The following GCN1 variants were observed in gnomAD, a reference collection of about 807,000 sequenced individuals.
The protein encoded by GCN1 is stalled ribosome sensor GCN1.
In GCN1, 90 loss-of-function variants were observed where a neutral mutation model predicts 288.4. That is an observed-to-expected ratio of 0.31 (90% confidence interval 0.26 to 0.37). The LOEUF is 0.37. Ranked by LOEUF, GCN1 falls within the 10% of genes least tolerant of loss-of-function variation. GCN1 has a pLI of 1.00. For missense variants in GCN1, 2,586 were observed against 3,419.9 expected, an observed-to-expected ratio of 0.76 and a Z score of 6.08; for synonymous variants, 1,386 against 1,420.2, an observed-to-expected ratio of 0.98 and a Z score of 0.54.
chr12:120,181,839 CAA>C (rs1253486479), intron 5 of GCN1, among the ~76,000 whole-genome samples: 29 of 59,956 alleles, frequency 4.8e-4, no homozygotes, highest in East Asian at 2.8e-3. Context: ...AACTCCGTCT[CAA>C]AAAAAAAAAA....
intron 22 of GCN1, among the ~76,000 whole-genome samples, chr12:120,160,982 G>A (rs1458892731): frequency 6.6e-6 from 1 of 152,210 alleles, no homozygotes; most frequent in African/African-American, 2.4e-5. Context: ...CACACATGTG[G>A]ACTGAGATGA....
chr12:120,179,009 C>A, intron 5 of GCN1, 59 bp from the exon 6 acceptor site: 1 of 1,387,354 alleles, frequency 7.2e-7, no homozygotes, highest in Non-Finnish European at 1.0e-6. Flanking sequence ...GGTCCCATGG[C>A]TCTCATAGCC....
chr12:120,180,522 T>G (rs1878621540), intron 5 of GCN1, among the ~76,000 whole-genome samples: 1 of 150,684 alleles, frequency 6.6e-6, no homozygotes, highest in Non-Finnish European at 1.5e-5. Context: ...GGAAAATCGC[T>G]TGAACCCAGG....
In GCN1 at chr12:120,134,421, A is replaced by G. The variant is rs1346534634; in HGVS notation, c.7203-16T>C. 1 of 1,606,512 alleles carries G rather than the reference A, an allele frequency of 6.2e-7. No individual in the cohort carries two copies. The stretch of plus-strand genomic sequence containing the variant: ...CATGGTGTCCCTGCAGAAGCAATGC[A>G]CCGCCTTAAGCCCTGGGTGCCTCCA... On this transcript the variant is annotated splice_polypyrimidine_tract_variant and intron_variant, in intron 52 of 57. Transcript: ENST00000300648. This position sits in a 1 kb window ranked among gnomAD's most constrained non-coding sequence, Gnocchi z 5.0.
chr12:120,169,411 A>T (rs900063817), intron 15 of GCN1, among the ~76,000 whole-genome samples: 1 of 148,566 alleles, frequency 6.7e-6, no homozygotes, highest in Non-Finnish European at 1.5e-5. Context: ...TATATAGTAT[A>T]TATATTATAT....
Position 120,185,328 on chromosome 12 carries a change from A to G in GCN1, c.122-441T>C, listed in dbSNP as rs575882307. Among the ~76,000 whole-genome samples, 6 of 152,360 alleles carry G rather than the reference A, an allele frequency of 3.9e-5. No individual in the cohort carries two copies. In the South Asian group the frequency reaches 1.0e-3, roughly 26 times the overall value. ...AGTACTATGAGGGACCAGAAAAGGG[A>G]AGAACACCTATAACTGGAGTGTTTC... is the stretch of plus-strand genomic sequence containing the variant. On this transcript the variant is annotated intron_variant, in intron 2 of 57. Transcript: ENST00000300648.
At position 120,134,831 on chromosome 12, in the gene GCN1, TC is replaced by T; in HGVS notation, c.7009-106del. ...GACAATCCCAAACCACCACAGCGAG[TC>T]CAGCTCTCATACAGGGCTGGGGACA... On this transcript the variant is annotated intron_variant, in intron 51 of 57. Transcript: ENST00000300648. The surrounding 1 kb of genome is among the most constrained non-coding windows in gnomAD (Gnocchi z 5.0). The T allele has an allele frequency of 1.0e-6, 1 of 952,582 alleles. No individual in the cohort carries two copies. Among genetic ancestry groups the T allele is most frequent in the Non-Finnish European group, 1.6e-6 (1 of 609,508 alleles). The allele number at this position is 952,582 out of a possible 1,614,324, so 59.0% of individuals were successfully genotyped here. A position where few individuals can be genotyped will look rare whatever the true frequency, so the allele number is the denominator to read the frequency against.
intron 14 of GCN1, among the ~76,000 whole-genome samples, chr12:120,173,293 C>T (rs1878368250): frequency 6.6e-6 from 1 of 152,100 alleles, no homozygotes; most frequent in African/African-American, 2.4e-5. Context: ...GGTGATCTGC[C>T]CGCCTCGGCC....
At chr12:120,167,004 G>C (rs1878151196) in intron 16 of GCN1, among the ~76,000 whole-genome samples, 1 of 149,970 alleles carries the variant, frequency 6.7e-6, no homozygotes, top group African/African-American at 2.5e-5. Context: ...AACAGAGTGA[G>C]ATCCTGTCTC....
At chr12:120,154,928 T>C (rs1165800471) in intron 31 of GCN1, 42 bp downstream of exon 31, 2 of 1,554,336 alleles carry the variant, frequency 1.3e-6, no homozygotes, top group South Asian at 2.2e-5. Context: ...CTGCCACATC[T>C]CACAAAGCTT....
intron 56 of GCN1, among the ~76,000 whole-genome samples, chr12:120,129,702 C>T (rs936685017): frequency 6.6e-6 from 1 of 152,126 alleles, no homozygotes; most frequent in African/African-American, 2.4e-5. Context: ...AGCCCGCATG[C>T]GTTTTTACTT....
At chr12:120,181,489 A>C (rs1004732630) in intron 5 of GCN1, among the ~76,000 whole-genome samples, 1 of 146,126 alleles carries the variant, frequency 6.8e-6, no homozygotes, top group Non-Finnish European at 1.5e-5. Flanking sequence ...AAAAAAAAGA[A>C]GTCTGCAGAA....
chr12:120,160,167 GCCTC>G lies in GCN1; in HGVS notation c.2521_2524del (p.Glu841ArgfsTer32). 1 of 1,611,950 alleles carries G rather than the reference GCCTC, an allele frequency of 6.2e-7. No homozygotes were observed. Among genetic ancestry groups the G allele is most frequent in the Non-Finnish European group, 8.5e-7 (1 of 1,179,566 alleles). On this transcript the variant is annotated frameshift_variant, in exon 23 of 58. Transcript: ENST00000300648. LOFTEE classifies it high-confidence loss of function. ...CTCCTGCAGCCGCCTCCGGACCTGC[GCCTC>G]CCTGTCTAGCTGGGCCTGCAGCATC... is the stretch of plus-strand genomic sequence containing the variant.
intron 10 of GCN1, 52 bp downstream of exon 10, chr12:120,176,091 C>G: frequency 7.1e-7 from 1 of 1,414,292 alleles, no homozygotes; most frequent in South Asian, 1.1e-5. Flanking sequence ...AGGACAAGTA[C>G]AACCAAACCC....
intron 14 of GCN1, among the ~76,000 whole-genome samples, chr12:120,171,814 A>G (rs1365990384): frequency 1.3e-5 from 2 of 152,244 alleles, no homozygotes; most frequent in Non-Finnish European, 2.9e-5. Flanking sequence ...TTTGCCATCT[A>G]CAATTCAAAG....
intron 26 of GCN1, 73 bp from the exon 27 acceptor site, chr12:120,157,065 C>T (rs766534415): frequency 1.1e-6 from 1 of 922,024 alleles, no homozygotes; most frequent in Admixed American, 1.8e-5. Context: ...AACGGCAGGG[C>T]ATCCTCTCAC....
chr12:120,129,935 T>C (rs1398278711), intron 56 of GCN1, among the ~76,000 whole-genome samples: 1 of 152,202 alleles, frequency 6.6e-6, no homozygotes, highest in Non-Finnish European at 1.5e-5. Context: ...TTCAGGATAA[T>C]GCCAAGTGAA....
intron 54 of GCN1, among the ~76,000 whole-genome samples, chr12:120,131,645 G>A (rs1268413462): frequency 2.6e-5 from 4 of 152,212 alleles, no homozygotes; most frequent in Non-Finnish European, 5.9e-5. Flanking sequence ...ACAGGGCCTC[G>A]CTCTGTCGCC....
intron 22 of GCN1, 105 bp downstream of exon 22, chr12:120,161,377 GCCATGGGC>G: frequency 1.4e-6 from 1 of 716,904 alleles, no homozygotes; most frequent in Non-Finnish European, 2.5e-6. Flanking sequence ...AGAGGAGTGT[GCCATGGGC>G]CTCAGGATGT....
Sources: gnomAD v4.1 joint callset for allele counts (sites outside exome capture counted in the v4.1 genomes callset) on GRCh38, gnomAD v4.1.1 for gene constraint, Gnocchi (gnomAD v3.1) non-coding constraint, MANE v1.5 for transcripts, NCBI Gene and HGNC (gene_info 2026-07-23, HGNC 2026-07-21) for gene names.